SH3RF1: variants seen among roughly 807,000 people sequenced by gnomAD.
The protein encoded by SH3RF1 is SH3 domain containing ring finger 1.
A neutral mutation model predicts 74.0 loss-of-function variants in SH3RF1; 32 were observed. The observed-to-expected ratio is 0.43, with a 90% CI of 0.33 to 0.58. The LOEUF (loss-of-function observed/expected upper bound fraction) is 0.58, where lower values mean the gene tolerates loss of function less well. Among genes scored for constraint, SH3RF1 ranks in the 20% least tolerant of loss-of-function variants. The pLI is 0.05. For missense variants in SH3RF1, 954 were observed against 1,130.9 expected (o/e 0.84, Z 2.24); for synonymous variants, 396 against 439.6 (o/e 0.90, Z 1.24).
At chr4:169,117,473 G>C (rs1459369821) in intron 9 of SH3RF1, 50 bp downstream of exon 9, 3 of 1,591,482 alleles carry the variant, frequency 1.9e-6, no homozygotes, top group African/African-American at 1.3e-5. Flanking sequence ...TCTACTATTA[G>C]GCAGGTAAGC....
At chr4:169,196,962 A>G (rs1437850743) in intron 2 of SH3RF1, among the ~76,000 whole-genome samples, 1 of 152,188 alleles carries the variant, frequency 6.6e-6, no homozygotes, top group East Asian at 1.9e-4. Context: ...AAAAGCACTC[A>G]AAAAAGTAAC....
chr4:169,265,499 G>A (rs1268140931), intron 2 of SH3RF1, among the ~76,000 whole-genome samples: 2 of 145,492 alleles, frequency 1.4e-5, no homozygotes, highest in Non-Finnish European at 3.1e-5. Flanking sequence ...TTGAGATGGA[G>A]TTTCGCTCTT....
chr4:169,172,066 A>AT (rs1477339484), intron 2 of SH3RF1, among the ~76,000 whole-genome samples: 11 of 152,216 alleles, frequency 7.2e-5, no homozygotes, highest in African/African-American at 2.7e-4. Context: ...TAAAACCAAG[A>AT]GTTAGGCTTA....
chr4:169,178,122 C>A (rs1281389482), intron 2 of SH3RF1, among the ~76,000 whole-genome samples: 1 of 151,544 alleles, frequency 6.6e-6, no homozygotes, highest in African/African-American at 2.4e-5. Flanking sequence ...GCACCTGTAA[C>A]CCCAACTACT....
At chr4:169,191,900 T>TC (rs1300754047) in intron 2 of SH3RF1, among the ~76,000 whole-genome samples, 1 of 152,096 alleles carries the variant, frequency 6.6e-6, no homozygotes, top group African/African-American at 2.4e-5. Context: ...TCAAGATGGA[T>TC]TAAGGACTTA....
chr4:169,109,943 T>G (rs1338940147), intron 10 of SH3RF1, among the ~76,000 whole-genome samples: 1 of 151,094 alleles, frequency 6.6e-6, no homozygotes, highest in African/African-American at 2.4e-5. Context: ...AGCCTGGAGG[T>G]TGAAGTTGCA....
intron 10 of SH3RF1, among the ~76,000 whole-genome samples, chr4:169,111,606 C>T (rs78570167): frequency 6.6e-6 from 1 of 152,056 alleles, no homozygotes; most frequent in East Asian, 1.9e-4. Flanking sequence ...AACATATATA[C>T]ATATACATAA....
intron 2 of SH3RF1, among the ~76,000 whole-genome samples, chr4:169,256,808 G>A (rs1731200907): frequency 6.6e-6 from 1 of 152,146 alleles, no homozygotes; most frequent in South Asian, 2.1e-4. Flanking sequence ...CGACTATGTT[G>A]CTCAGGCTGG....
intron 2 of SH3RF1, among the ~76,000 whole-genome samples, chr4:169,210,348 A>G (rs1730336868): frequency 6.6e-6 from 1 of 152,156 alleles, no homozygotes; most frequent in Admixed American, 6.5e-5. Context: ...AAGACAAAAC[A>G]CCTTATATGA....
Position 169,094,978 on chromosome 4 carries a change from T to C in SH3RF1, c.*1541A>G, listed in dbSNP as rs556924858. Reference sequence around the variant, plus strand: ...CATGAGAAAACTGTGGTAAGGATCTTATTCATTACCAGGCTGTCTTCCCTC... The same window carrying C: ...CATGAGAAAACTGTGGTAAGGATCTCATTCATTACCAGGCTGTCTTCCCTC... On this transcript the variant is annotated 3_prime_UTR_variant, in exon 12 of 12. Transcript: ENST00000284637. 6.5e-6 allele frequency: 1 copy of C among 152,676 alleles called. No homozygotes were observed. The highest frequency in any genetic ancestry group is 2.1e-4 in the South Asian group (1 of 4,818). The allele number at this position is 152,676 out of a possible 1,614,324, so 9.5% of individuals were successfully genotyped here.
intron 9 of SH3RF1, 44 bp downstream of exon 9, chr4:169,117,479 T>A (rs1384169264): frequency 6.3e-7 from 1 of 1,598,486 alleles, no homozygotes; most frequent in East Asian, 2.2e-5. Flanking sequence ...ATTAGGCAGG[T>A]AAGCCCTTTA....
chr4:169,164,696 C>T (rs747155312), intron 2 of SH3RF1, among the ~76,000 whole-genome samples: 3 of 152,206 alleles, frequency 2.0e-5, no homozygotes, highest in Non-Finnish European at 4.4e-5. Context: ...GGAACTAAAA[C>T]ATAGTCCGTT....
At position 169,156,586 on chromosome 4, in the gene SH3RF1, A is replaced by G; in HGVS notation, c.487T>C (p.Leu163=). Residue 163 remains leucine, a synonymous_variant, in exon 3 of 12, where the codon TTG becomes CTG. Transcript: ENST00000284637. The part of the protein sequence containing the change: ...LKFSKGDIII[L]RRQVDENWYH... ...CAATTTTCATCCACTTGTCTTCGCA[A>G]AATGATGATGTCACCTTTGCTGAAT... 1 of 1,614,138 alleles carries G rather than the reference A, an allele frequency of 6.2e-7. No homozygotes were observed. Among genetic ancestry groups the G allele is most frequent in the Non-Finnish European group, 8.5e-7 (1 of 1,179,992 alleles).
intron 3 of SH3RF1, among the ~76,000 whole-genome samples, chr4:169,155,951 G>A (rs182340912): frequency 4.6e-5 from 7 of 152,160 alleles, no homozygotes; most frequent in African/African-American, 1.2e-4. Flanking sequence ...ACATCCTACC[G>A]CTTTTCTCCA....
intron 2 of SH3RF1, among the ~76,000 whole-genome samples, chr4:169,263,856 T>C (rs910984511): frequency 6.6e-6 from 1 of 152,240 alleles, no homozygotes; most frequent in Non-Finnish European, 1.5e-5. Context: ...GCATCTGGTA[T>C]ACTGTCACAT....
intron 11 of SH3RF1, among the ~76,000 whole-genome samples, chr4:169,097,993 A>G (rs1438424424): frequency 1.3e-5 from 2 of 152,220 alleles, no homozygotes; most frequent in African/African-American, 2.4e-5. Flanking sequence ...TGAATAAGCC[A>G]TCTTAGAAGG....
chr4:169,191,857 G>A (rs1487518311), intron 2 of SH3RF1, among the ~76,000 whole-genome samples: 2 of 152,080 alleles, frequency 1.3e-5, no homozygotes, highest in Non-Finnish European at 2.9e-5. Context: ...AATGAAAATG[G>A]ATCCTCACCT....
chr4:169,199,884 T>A (rs999144187), intron 2 of SH3RF1, among the ~76,000 whole-genome samples: 1 of 152,178 alleles, frequency 6.6e-6, no homozygotes, highest in African/African-American at 2.4e-5. Flanking sequence ...AAATTAGATA[T>A]TATAATGTAT....
At chr4:169,208,526 T>C (rs1730301467) in intron 2 of SH3RF1, among the ~76,000 whole-genome samples, 2 of 152,104 alleles carry the variant, frequency 1.3e-5, no homozygotes, top group Non-Finnish European at 2.9e-5. Context: ...TAATAATAAA[T>C]AATTGTTTTC....
Sources: gnomAD v4.1 joint callset for allele counts (sites outside exome capture counted in the v4.1 genomes callset) on GRCh38, gnomAD v4.1.1 for gene constraint, MANE v1.5 for transcripts, NCBI Gene and HGNC (gene_info 2026-07-23, HGNC 2026-07-21) for gene names.